The following TRDN variants were observed in gnomAD, a reference collection of about 807,000 sequenced individuals.
The protein encoded by TRDN is triadin, also known as triadin in skeletal muscle.
A neutral mutation model predicts 149.7 loss-of-function variants in TRDN; 161 were observed. The ratio of observed to expected loss-of-function variants is 1.08; its 90% CI spans 0.95 to 1.23. TRDN has a LOEUF of 1.23. Ranked by LOEUF, TRDN falls within the 50% of genes most tolerant of loss-of-function variation. The pLI is 0.00. For missense variants in TRDN, 896 were observed against 823.5 expected (o/e 1.09, Z -1.08); for synonymous variants, 294 against 250.5 (o/e 1.17, Z -1.64).
At chr6:123,227,965 G>C (rs1004980513) in intron 38 of TRDN, among the ~76,000 whole-genome samples, 7 of 151,326 alleles carry the variant, frequency 4.6e-5, no homozygotes, top group Non-Finnish European at 7.4e-5. Context: ...AGGGCCTCTT[G>C]AAAGAGTGTT....
intron 8 of TRDN, 55 bp from the exon 9 acceptor site, chr6:123,497,307 T>C (rs1778490889): frequency 4.9e-6 from 6 of 1,220,512 alleles, no homozygotes; most frequent in Non-Finnish European, 6.7e-6. Context: ...CACTTCATTT[T>C]TCTACAGAGA....
chr6:123,636,254 C>T (rs946091232), intron 1 of TRDN, among the ~76,000 whole-genome samples: 1 of 151,704 alleles, frequency 6.6e-6, no homozygotes, highest in African/African-American at 2.4e-5. Context: ...GTTTTACATA[C>T]CCTAGTAGGA....
chr6:123,242,064 A>C (rs1478651337), intron 38 of TRDN, among the ~76,000 whole-genome samples: 1 of 152,204 alleles, frequency 6.6e-6, no homozygotes, highest in African/African-American at 2.4e-5. Flanking sequence ...TTGATATACC[A>C]ACATCCATTG....
At chr6:123,555,850 G>C (rs1471101241) in intron 2 of TRDN, among the ~76,000 whole-genome samples, 1 of 152,104 alleles carries the variant, frequency 6.6e-6, no homozygotes, top group Non-Finnish European at 1.5e-5. Context: ...TGCAGAGGTG[G>C]AGGCCAATGA....
chr6:123,388,441 A>G, intron 14 of TRDN, 81 bp downstream of exon 14: 1 of 1,458,800 alleles, frequency 6.9e-7, no homozygotes, highest in Middle Eastern at 1.7e-4. Context: ...GAATATAGAC[A>G]GAATAGCAGT....
intron 12 of TRDN, among the ~76,000 whole-genome samples, chr6:123,425,955 C>T (rs1774103861): frequency 6.6e-6 from 1 of 152,000 alleles, no homozygotes; most frequent in Non-Finnish European, 1.5e-5. Context: ...TATGACATAG[C>T]ACATTTTATG....
At chr6:123,621,269 T>C (rs1190767192) in intron 1 of TRDN, among the ~76,000 whole-genome samples, 1 of 152,152 alleles carries the variant, frequency 6.6e-6, no homozygotes, top group African/African-American at 2.4e-5. Context: ...CCATTTTATA[T>C]ATCTTGTGAG....
intron 24 of TRDN, among the ~76,000 whole-genome samples, chr6:123,307,745 C>T (rs1778664760): frequency 6.6e-6 from 1 of 151,990 alleles, no homozygotes; most frequent in Non-Finnish European, 1.5e-5. Context: ...GGCTGGCACA[C>T]TGTAGTCCCT....
At chr6:123,411,985 G>C (rs1773459428) in intron 12 of TRDN, 1 of 152,172 alleles carries the variant, frequency 6.6e-6, no homozygotes, top group African/African-American at 2.4e-5. Flanking sequence ...GTTTTTACCA[G>C]CTTATGAGAC....
intron 5 of TRDN, chr6:123,529,116 C>A (rs544889434): frequency 4.0e-6 from 6 of 1,490,842 alleles, no homozygotes; most frequent in Non-Finnish European, 5.4e-6. Flanking sequence ...ACATTACTAC[C>A]GCCACTCCAG....
intron 38 of TRDN, among the ~76,000 whole-genome samples, chr6:123,238,606 A>T (rs1237604025): frequency 6.6e-6 from 1 of 152,158 alleles, no homozygotes; most frequent in African/African-American, 2.4e-5. Flanking sequence ...ATTAATAATC[A>T]TGATAAATGT....
intron 4 of TRDN, among the ~76,000 whole-genome samples, chr6:123,530,994 T>C (rs1780227989): frequency 1.3e-5 from 2 of 151,970 alleles, no homozygotes; most frequent in African/African-American, 2.4e-5. Flanking sequence ...AACTATCTAA[T>C]AGGAAATATA....
intron 2 of TRDN, among the ~76,000 whole-genome samples, chr6:123,568,725 G>C (rs985926813): frequency 6.6e-6 from 1 of 152,162 alleles, no homozygotes; most frequent in Non-Finnish European, 1.5e-5. Context: ...ACTCTTCTGA[G>C]GCTGGCCAGG....
At chr6:123,304,701 C>T (rs1234026931) in intron 24 of TRDN, among the ~76,000 whole-genome samples, 2 of 152,026 alleles carry the variant, frequency 1.3e-5, no homozygotes, top group Non-Finnish European at 1.5e-5. Context: ...CAGCATTAAA[C>T]ACAGGTTTCT....
At chr6:123,615,704 C>G (rs193243667) in intron 1 of TRDN, among the ~76,000 whole-genome samples, 3 of 152,190 alleles carry the variant, frequency 2.0e-5, no homozygotes, top group Admixed American at 1.3e-4. Context: ...AAAAGTTGAT[C>G]TCATAGACGT....
At chr6:123,580,144 CT>C (rs532860096) in intron 1 of TRDN, among the ~76,000 whole-genome samples, 124 of 152,118 alleles carry the variant, frequency 8.2e-4, no homozygotes, top group African/African-American at 2.9e-3. Context: ...TGGTCCCAGG[CT>C]TTTTTTGGTC....
chr6:123,529,000 T>A, intron 5 of TRDN: 4 of 1,307,598 alleles, frequency 3.1e-6, no homozygotes, highest in Non-Finnish European at 3.9e-6. Flanking sequence ...ACTGTCTTAA[T>A]TATGGAAGAC....
At chr6:123,294,468 T>TG (rs1778122255) in intron 24 of TRDN, among the ~76,000 whole-genome samples, 1 of 152,138 alleles carries the variant, frequency 6.6e-6, no homozygotes, top group Admixed American at 6.5e-5. Context: ...TTCCACAGCC[T>TG]GGGGTCGGGG....
chr6:123,240,101 G>A lies in TRDN; in HGVS notation c.1975+12311C>T, dbSNP rs143561180. Reference sequence around the variant, plus strand: ...CATAAAATTAGAAAAAAGTAATCAAGGGAATCAATTGTAAAATGAAACTCA... The same window carrying A: ...CATAAAATTAGAAAAAAGTAATCAAAGGAATCAATTGTAAAATGAAACTCA... On this transcript the variant is annotated intron_variant, in intron 38 of 40. Coordinates refer to ENST00000334268, the MANE Select transcript of TRDN (RefSeq NM_006073.4). Among the ~76,000 whole-genome samples the A allele has an allele frequency of 2.3e-3, 350 of 151,954 alleles. 3 individuals are homozygous for A. Among genetic ancestry groups the A allele is most frequent in the African/African-American group, 8.2e-3 (339 of 41,526 alleles).
Sources: gnomAD v4.1 joint callset for allele counts (sites outside exome capture counted in the v4.1 genomes callset) on GRCh38, gnomAD v4.1.1 for gene constraint, MANE v1.5 for transcripts, NCBI Gene and HGNC (gene_info 2026-07-23, HGNC 2026-07-21) for gene names.